Variants in DGKH observed in about 807,000 individuals in gnomAD.
The protein encoded by DGKH is diacylglycerol kinase eta.
In DGKH, 90 loss-of-function variants were observed where a neutral mutation model predicts 159.3. The observed-to-expected ratio is 0.57, with a 90% CI of 0.48 to 0.67. The LOEUF is 0.67. Among genes scored for constraint, DGKH ranks in the 30% least tolerant of loss-of-function variants. The probability of loss-of-function intolerance (pLI) is 0.00; values close to 1 mark genes in which losing one functional copy is unlikely to be tolerated. For synonymous variants in DGKH, 536 were observed against 553.8 expected (o/e 0.97, Z 0.45); for missense variants, 1,181 against 1,506.1 (o/e 0.78, Z 3.57).
chr13:42,177,764 C>A (rs780390569), intron 12 of DGKH, among the ~76,000 whole-genome samples: 1 of 152,064 alleles, frequency 6.6e-6, no homozygotes, highest in African/African-American at 2.4e-5. Context: ...ATGTTTTCAT[C>A]GGTTTATGGG....
rs552236741 is a variant in DGKH at position 42,100,110 on chromosome 13, A to G, written c.193-27353A>G. Among the ~76,000 whole-genome samples the G allele has an allele frequency of 5.9e-5, 9 of 152,296 alleles. No homozygotes were observed. The South Asian group carries it at 6.2e-4, about 11-fold the overall frequency. ...TGAGTGAAGCTTCATCTGTATTTACAGTTGCTCCCCATTGCTGGCATTACC... is the reference window on the plus strand; with the variant it reads ...TGAGTGAAGCTTCATCTGTATTTACGGTTGCTCCCCATTGCTGGCATTACC... On this transcript the variant is annotated intron_variant, in intron 1 of 29. Coordinates refer to ENST00000337343, the MANE Select transcript of DGKH (RefSeq NM_178009.5).
chr13:42,173,942 T>A (rs1431740002), intron 11 of DGKH, 118 bp from the exon 12 acceptor site: 2 of 298,802 alleles, frequency 6.7e-6, no homozygotes, highest in Non-Finnish European at 1.2e-5. Flanking sequence ...AGTTCATGAA[T>A]GTGTGTGTGT....
chr13:42,042,380 G>A (rs1178656090), intron 1 of DGKH, among the ~76,000 whole-genome samples: 1 of 152,094 alleles, frequency 6.6e-6, no homozygotes, highest in African/African-American at 2.4e-5. Flanking sequence ...TAGAAAATTA[G>A]ATAATTTTTT....
Position 42,088,840 on chromosome 13 carries a change from A to G in DGKH, c.193-38623A>G, listed in dbSNP as rs1566095007. On this transcript the variant is annotated intron_variant, in intron 1 of 29. Transcript: ENST00000337343. The stretch of plus-strand genomic sequence containing the variant: ...AATGCCTTGTTGGGCTGGATAAATC[A>G]ATACAATCCAATTATTTGCTCTACA... Among the ~76,000 whole-genome samples, 5 of 152,336 alleles carry G rather than the reference A, an allele frequency of 3.3e-5. No individual in the cohort carries two copies. The East Asian group carries it at 9.6e-4, about 29-fold the overall frequency.
chr13:42,246,493 A>C (rs773234653), downstream of DGKH, among the ~76,000 whole-genome samples: 1 of 152,114 alleles, frequency 6.6e-6, no homozygotes, highest in Non-Finnish European at 1.5e-5. Flanking sequence ...TCTTAGTTTG[A>C]GGTACTATAT....
chr13:42,143,066 A>G (rs1198755555), intron 3 of DGKH, among the ~76,000 whole-genome samples: 2 of 151,918 alleles, frequency 1.3e-5, no homozygotes, highest in African/African-American at 4.8e-5. Context: ...TTTGAGATAC[A>G]TCCCATCAAT....
chr13:42,049,267 C>T (rs1396703332), intron 1 of DGKH, among the ~76,000 whole-genome samples: 1 of 152,064 alleles, frequency 6.6e-6, no homozygotes, highest in Non-Finnish European at 1.5e-5. Flanking sequence ...GGCTGCGAGC[C>T]TGGGCTCCCA....
chr13:42,214,811 T>C (rs1325060040), intron 25 of DGKH, among the ~76,000 whole-genome samples, 199 bp downstream of exon 25: 1 of 152,222 alleles, frequency 6.6e-6, no homozygotes, highest in Non-Finnish European at 1.5e-5. Flanking sequence ...TTAAATTCTC[T>C]CATTTTTTAT....
chr13:42,227,015 AAATC>A (rs1487296246), intron 29 of DGKH, among the ~76,000 whole-genome samples: 2 of 152,200 alleles, frequency 1.3e-5, no homozygotes, highest in Non-Finnish European at 1.5e-5. Flanking sequence ...CAGGAACAGA[AAATC>A]AAACACCACA....
chr13:42,250,677 C>T (rs780828626), intron 29 of DGKH, among the ~76,000 whole-genome samples: 8 of 152,136 alleles, frequency 5.3e-5, no homozygotes, highest in African/African-American at 9.7e-5. Context: ...CATATCCCTG[C>T]GGCACTTCAG....
chr13:42,048,879 G>C lies in DGKH; in HGVS notation c.106G>C (p.Glu36Gln). The change falls in exon 1 of 30, where the codon GAG becomes CAG. Residue 36 changes from glutamate (E) to glutamine (Q), a missense_variant. This residue lies in a region of DGKH where 136 missense variants were observed against 132.2 expected (regional missense o/e 1.03). Transcript: ENST00000337343. The surrounding 1 kb of genome is among the most constrained non-coding windows in gnomAD (Gnocchi z 6.7). ...TSAAASAGPG[E>Q]DSSDSEAEQE... is the part of the protein sequence containing the mutation. ...CGCCGCTGCCTCGGCGGGGCCGGGA[G>C]AGGATTCGTCTGACAGCGAAGCGGA... 2 of 1,378,090 alleles carry C rather than the reference G, an allele frequency of 1.5e-6. No homozygotes were observed. Among genetic ancestry groups the C allele is most frequent in the South Asian group, 3.9e-5 (2 of 51,682 alleles). The allele number at this position is 1,378,090 out of a possible 1,614,324, so 85.4% of individuals were successfully genotyped here.
chr13:42,211,026 C>G (rs182947142), intron 24 of DGKH, among the ~76,000 whole-genome samples: 4 of 152,140 alleles, frequency 2.6e-5, no homozygotes, highest in Admixed American at 6.5e-5. Flanking sequence ...TCATCCTGTT[C>G]CAGAGAAGAG....
At chr13:42,056,222 TA>T (rs1302595318) in intron 1 of DGKH, among the ~76,000 whole-genome samples, 3 of 152,162 alleles carry the variant, frequency 2.0e-5, no homozygotes, top group Admixed American at 6.5e-5. Context: ...TATAGTTCCT[TA>T]TTTTTTTTTC....
rs954330185 is a variant in DGKH, at chr13:42,189,377, C to T, written c.1912+68C>T. The T allele has an allele frequency of 5.0e-6, 8 of 1,590,600 alleles. No individual in the cohort carries two copies. The East Asian group carries it at 1.3e-4, about 27-fold the overall frequency. ...TTCTACTGCAAGCATAACGGAGTTT[C>T]CATAGTGGTCAGATTGGACACACTT... On this transcript the variant is annotated intron_variant, in intron 15 of 29. Coordinates refer to ENST00000337343, the MANE Select transcript of DGKH (RefSeq NM_178009.5).
upstream of DGKH, among the ~76,000 whole-genome samples, chr13:42,045,498 A>G (rs116141628): frequency 3.8e-3 from 572 of 152,370 alleles, 4 homozygotes; most frequent in African/African-American, 0.013. Flanking sequence ...TGCCTCAGAT[A>G]CGAGGATGAC....
intron 3 of DGKH, among the ~76,000 whole-genome samples, chr13:42,143,814 T>C (rs1012235376): frequency 6.6e-6 from 1 of 152,140 alleles, no homozygotes; most frequent in African/African-American, 2.4e-5. Flanking sequence ...GTCTTGCTAG[T>C]GGTCTATCAA....
chr13:42,194,257 A>G (rs1468637276), intron 16 of DGKH, among the ~76,000 whole-genome samples: 1 of 152,136 alleles, frequency 6.6e-6, no homozygotes, highest in African/African-American at 2.4e-5. Flanking sequence ...CTCCAGCCTC[A>G]GCCTCCCAAG....
intron 3 of DGKH, among the ~76,000 whole-genome samples, chr13:42,146,423 G>T (rs995291763): frequency 6.6e-6 from 1 of 152,164 alleles, no homozygotes; most frequent in Non-Finnish European, 1.5e-5. Context: ...ATCAGCAGGC[G>T]TACTGAAGTG....
chr13:42,188,760 T>G (rs899923353), intron 14 of DGKH, among the ~76,000 whole-genome samples: 1 of 152,174 alleles, frequency 6.6e-6, no homozygotes, highest in African/African-American at 2.4e-5. Flanking sequence ...ACTTAAAAAA[T>G]TATAAATTAT....
Sources: gnomAD v4.1 joint callset for allele counts (sites outside exome capture counted in the v4.1 genomes callset) on GRCh38, gnomAD v4.1.1 for gene constraint, gnomAD v4.1.1 regional missense constraint, Gnocchi (gnomAD v3.1) non-coding constraint, MANE v1.5 for transcripts, NCBI Gene and HGNC (gene_info 2026-07-23, HGNC 2026-07-21) for gene names.